PRDM5: variants seen among roughly 807,000 people sequenced by gnomAD.
PRDM5 encodes PR domain zinc finger protein 5.
PRDM5 carries 56 observed loss-of-function variants against 81.2 expected under a neutral mutation model. That is an observed-to-expected ratio of 0.69 (90% CI 0.56 to 0.86). PRDM5 has a LOEUF of 0.86. PRDM5 is among the 40% of genes least tolerant of loss of function. The pLI is 0.00. For synonymous variants in PRDM5, 267 were observed against 256.4 expected, an observed-to-expected ratio of 1.04 and a Z score of -0.39; for missense variants, 697 against 770.1, an observed-to-expected ratio of 0.91 and a Z score of 1.12.
At chr4:120,860,561 T>C (rs1451181722) in intron 2 of PRDM5, among the ~76,000 whole-genome samples, 3 of 152,052 alleles carry the variant, frequency 2.0e-5, no homozygotes, top group Non-Finnish European at 2.9e-5. Flanking sequence ...TCTGGACAGA[T>C]AGGCTTTTTT....
rs374866663 is a variant in PRDM5 at position 120,710,393 on chromosome 4, T to A, written c.1644A>T (p.Ser548=). The A allele has an allele frequency of 7.3e-5, 118 of 1,614,012 alleles. No homozygotes were observed. The highest frequency in any genetic ancestry group is 9.9e-5 in the Non-Finnish European group (117 of 1,180,034). The part of the protein sequence containing the change: ...THTREKPYKC[S]ECSKAFSQKR... ...TCTGGCTGAAGGCCTTGCTGCACTC[T>A]GAGCACTTGTACGGCTTCTCCTGCA... is the stretch of plus-strand genomic sequence containing the variant. The change falls in exon 15 of 16, where the codon TCA becomes TCT. Residue 548 remains serine (S), a synonymous_variant. Transcript: ENST00000264808.
Position 120,757,757 on chromosome 4 carries a change from T to G in PRDM5, c.1538-3119A>C, listed in dbSNP as rs111460023. On this transcript the variant is annotated intron_variant, in intron 13 of 15. Coordinates refer to ENST00000264808, the MANE Select transcript of PRDM5 (RefSeq NM_018699.4). ...CTCTTTTCTTTTCTTCTCACTCATC[T>G]TTCTCTTCTTTCTTCTTCTTCTTCT... Among the ~76,000 whole-genome samples, 976 of 152,170 alleles carry G rather than the reference T, an allele frequency of 6.4e-3. 11 individuals carry two copies. The highest frequency in any genetic ancestry group is 0.027 in the South Asian group (128 of 4,808).
intron 2 of PRDM5, among the ~76,000 whole-genome samples, chr4:120,881,092 T>C (rs1001012354): frequency 1.3e-5 from 2 of 152,230 alleles, no homozygotes; most frequent in Non-Finnish European, 2.9e-5. Flanking sequence ...TTGATTTGTA[T>C]TGAAAGTTTC....
chr4:120,754,744 T>C, intron 13 of PRDM5, 106 bp from the exon 14 acceptor site: 1 of 801,618 alleles, frequency 1.2e-6, no homozygotes, highest in Non-Finnish European at 2.1e-6. Flanking sequence ...ATATGCCCTG[T>C]GCTACTTCAA....
chr4:120,747,656 T>C (rs1010345200), intron 14 of PRDM5, among the ~76,000 whole-genome samples: 1 of 152,142 alleles, frequency 6.6e-6, no homozygotes, highest in African/African-American at 2.4e-5. Flanking sequence ...AACCCAGACC[T>C]ACATCTGAAC....
At position 120,785,097 on chromosome 4, in the gene PRDM5, G is replaced by A. The variant is rs774678667; in HGVS notation, c.1189-6C>T. On this transcript the variant is annotated splice_polypyrimidine_tract_variant and splice_region_variant and intron_variant, in intron 10 of 15. Coordinates refer to ENST00000264808, the MANE Select transcript of PRDM5 (RefSeq NM_018699.4). ...GGTCTCTCCTCAGAGTGGGTCTGCA[G>A]AGGAAAAACACTGAGTCAGGAGGAT... 9 of 1,594,674 alleles carry A rather than the reference G, an allele frequency of 5.6e-6. No individual in the cohort carries two copies. In the Admixed American group the frequency reaches 1.5e-4, roughly 27 times the overall value.
chr4:120,771,292 T>C (rs554515687), intron 13 of PRDM5, among the ~76,000 whole-genome samples: 3 of 152,260 alleles, frequency 2.0e-5, no homozygotes, highest in Middle Eastern at 3.4e-3. Context: ...AGTGTAAATA[T>C]TAAAAGCCTA....
At chr4:120,786,064 A>G (rs1749724082) in intron 10 of PRDM5, among the ~76,000 whole-genome samples, 1 of 152,184 alleles carries the variant, frequency 6.6e-6, no homozygotes, top group Admixed American at 6.6e-5. Context: ...TTAAACTATT[A>G]TCTCATATTA....
intron 14 of PRDM5, among the ~76,000 whole-genome samples, chr4:120,741,298 C>T (rs1741898915): frequency 6.6e-6 from 1 of 152,086 alleles, no homozygotes. Flanking sequence ...ACTCCTCCTG[C>T]CTTAACATCT....
intron 12 of PRDM5, among the ~76,000 whole-genome samples, chr4:120,780,285 A>T (rs1748849954): frequency 6.6e-6 from 1 of 151,972 alleles, no homozygotes; most frequent in Non-Finnish European, 1.5e-5. Context: ...TCTCTACAAA[A>T]ATTTTAAAAA....
At chr4:120,905,113 A>G (rs1765651559) in intron 2 of PRDM5, among the ~76,000 whole-genome samples, 1 of 152,218 alleles carries the variant, frequency 6.6e-6, no homozygotes, top group Non-Finnish European at 1.5e-5. Context: ...AAAGTAAACA[A>G]AACAGCAGGC....
intron 1 of PRDM5, among the ~76,000 whole-genome samples, chr4:120,910,184 G>C (rs1356498648): frequency 6.6e-6 from 1 of 152,080 alleles, no homozygotes; most frequent in Non-Finnish European, 1.5e-5. Context: ...AGGTAAATTA[G>C]CTTTCTATCT....
At chr4:120,865,741 C>T (rs1761135789) in intron 2 of PRDM5, among the ~76,000 whole-genome samples, 1 of 152,144 alleles carries the variant, frequency 6.6e-6, no homozygotes, top group Non-Finnish European at 1.5e-5. Flanking sequence ...CTGGGCATCA[C>T]TTACACTGTC....
chr4:120,911,026 A>G (rs553536425), intron 1 of PRDM5, among the ~76,000 whole-genome samples: 1 of 152,292 alleles, frequency 6.6e-6, no homozygotes, highest in South Asian at 2.1e-4. Context: ...GAACTTTCCT[A>G]GACTTCTTCA....
intron 1 of PRDM5, among the ~76,000 whole-genome samples, chr4:120,917,793 T>C (rs1175733209): frequency 2.0e-5 from 3 of 151,978 alleles, no homozygotes; most frequent in East Asian, 3.8e-4. Flanking sequence ...TGTAAACTTA[T>C]GTTTTTTTTA....
At chr4:120,827,929 T>C (rs1412940091) in intron 3 of PRDM5, among the ~76,000 whole-genome samples, 1 of 152,154 alleles carries the variant, frequency 6.6e-6, no homozygotes, top group Admixed American at 6.6e-5. Context: ...TGCTTTGGAC[T>C]GGACTCTACT....
At chr4:120,875,975 TG>T (rs1488592470) in intron 2 of PRDM5, among the ~76,000 whole-genome samples, 3 of 152,210 alleles carry the variant, frequency 2.0e-5, no homozygotes, top group Non-Finnish European at 4.4e-5. Flanking sequence ...AAATGACAAC[TG>T]GCTCCAATGC....
chr4:120,910,844 A>G (rs1766422524), intron 1 of PRDM5, among the ~76,000 whole-genome samples: 1 of 152,198 alleles, frequency 6.6e-6, no homozygotes, highest in Admixed American at 6.5e-5. Context: ...CTCTTCTTGA[A>G]AACTTCAAAA....
chr4:120,739,033 G>C (rs886386109), intron 14 of PRDM5, among the ~76,000 whole-genome samples: 5 of 152,096 alleles, frequency 3.3e-5, no homozygotes, highest in African/African-American at 1.2e-4. Context: ...TTATCTGAAG[G>C]CTCAACTAAG....
Sources: gnomAD v4.1 joint callset for allele counts (sites outside exome capture counted in the v4.1 genomes callset) on GRCh38, gnomAD v4.1.1 for gene constraint, MANE v1.5 for transcripts, NCBI Gene and HGNC (gene_info 2026-07-23, HGNC 2026-07-21) for gene names.